Variants in MDGA2 observed in about 807,000 individuals in gnomAD.
The protein encoded by MDGA2 is MAM domain-containing glycosylphosphatidylinositol anchor protein 2.
MDGA2 carries 40 observed loss-of-function variants against 117.8 expected under a neutral mutation model. The ratio of observed to expected loss-of-function variants is 0.34; its 90% CI spans 0.26 to 0.44. The LOEUF is 0.44. Ranked by LOEUF, MDGA2 falls within the 20% of genes least tolerant of loss-of-function variation. The pLI is 1.00. For synonymous variants in MDGA2, 452 were observed against 439.0 expected, an observed-to-expected ratio of 1.03 and a Z score of -0.37; for missense variants, 1,123 against 1,250.6, an observed-to-expected ratio of 0.90 and a Z score of 1.54.
intron 5 of MDGA2, among the ~76,000 whole-genome samples, chr14:47,118,045 G>A (rs1274196651): frequency 6.6e-6 from 1 of 152,160 alleles, no homozygotes; most frequent in African/African-American, 2.4e-5. Flanking sequence ...ATAAAAAAGT[G>A]TTTTACCTGA....
intron 1 of MDGA2, among the ~76,000 whole-genome samples, chr14:47,382,030 G>A (rs1891642342): frequency 6.6e-6 from 1 of 152,082 alleles, no homozygotes; most frequent in Non-Finnish European, 1.5e-5. Context: ...ACAGAACAGA[G>A]CCCTCAAAAA....
At chr14:47,271,124 G>C (rs1888129929) in intron 2 of MDGA2, among the ~76,000 whole-genome samples, 1 of 152,126 alleles carries the variant, frequency 6.6e-6, no homozygotes, top group Non-Finnish European at 1.5e-5. Context: ...ACTTAAAAAT[G>C]GTTCCAGACC....
chr14:47,488,887 T>A (rs1032727478), intron 1 of MDGA2, among the ~76,000 whole-genome samples: 3 of 152,018 alleles, frequency 2.0e-5, no homozygotes, highest in African/African-American at 7.2e-5. Flanking sequence ...AGTTTTCCTC[T>A]TAGATAAGAG....
chr14:47,168,990 T>TA (rs1412736598), intron 3 of MDGA2, among the ~76,000 whole-genome samples: 4 of 152,086 alleles, frequency 2.6e-5, no homozygotes, highest in African/African-American at 4.8e-5. Flanking sequence ...TCATTATTGA[T>TA]AAAATTAAGT....
chr14:47,406,493 A>G (rs1892264233), intron 1 of MDGA2, among the ~76,000 whole-genome samples: 1 of 152,038 alleles, frequency 6.6e-6, no homozygotes, highest in South Asian at 2.1e-4. Context: ...GAGGAGCAGC[A>G]TTTACCAGGG....
chr14:47,320,477 G>A (rs1889947454), intron 1 of MDGA2, among the ~76,000 whole-genome samples: 1 of 152,122 alleles, frequency 6.6e-6, no homozygotes, highest in Non-Finnish European at 1.5e-5. Context: ...CTGTAGGTGA[G>A]TAGGAATGAT....
At chr14:47,340,690 T>C (rs1481302968) in intron 1 of MDGA2, among the ~76,000 whole-genome samples, 2 of 152,188 alleles carry the variant, frequency 1.3e-5, no homozygotes, top group African/African-American at 4.8e-5. Context: ...AGCAAAGAGT[T>C]TGCTGCCATT....
intron 2 of MDGA2, among the ~76,000 whole-genome samples, chr14:47,290,730 G>A (rs1888855550): frequency 6.6e-6 from 1 of 151,378 alleles, no homozygotes; most frequent in Non-Finnish European, 1.5e-5. Flanking sequence ...ATAAAAAGGA[G>A]TTTATTTTGG....
intron 6 of MDGA2, among the ~76,000 whole-genome samples, chr14:47,094,103 T>C (rs1040910953): frequency 1.3e-5 from 2 of 149,990 alleles, no homozygotes; most frequent in Non-Finnish European, 3.0e-5. Context: ...CTCATATTAT[T>C]GTAGTGGTTT....
chr14:47,510,000 G>A (rs72670711), intron 1 of MDGA2, among the ~76,000 whole-genome samples: 17,783 of 152,116 alleles, frequency 0.12, 1,260 homozygotes, highest in Non-Finnish European at 0.14. Flanking sequence ...CATGAATTTT[G>A]GGGGGACAGG....
chr14:47,553,691 T>G lies in MDGA2; in HGVS notation c.280+120826A>C, dbSNP rs190834564. Reference sequence around the variant, plus strand: ...TGTGTGACTGTAATGTATTTATATATGTGTGTATGTGTATATATACTTATA... The same window carrying G: ...TGTGTGACTGTAATGTATTTATATAGGTGTGTATGTGTATATATACTTATA... On this transcript the variant is annotated intron_variant, in intron 1 of 16. Transcript: ENST00000399232. Among the ~76,000 whole-genome samples, 48 of 152,298 alleles carry G rather than the reference T, an allele frequency of 3.2e-4. 1 individual carries two copies. The highest frequency in any genetic ancestry group is 3.4e-3 in the Middle Eastern group (1 of 292).
chr14:47,495,828 C>T (rs1244290146), intron 1 of MDGA2, among the ~76,000 whole-genome samples: 1 of 152,148 alleles, frequency 6.6e-6, no homozygotes, highest in African/African-American at 2.4e-5. Flanking sequence ...CAAAGAAGAA[C>T]AAATTTTCAT....
chr14:47,355,913 T>A (rs528802667), intron 1 of MDGA2, among the ~76,000 whole-genome samples: 6 of 152,308 alleles, frequency 3.9e-5, no homozygotes, highest in African/African-American at 1.2e-4. Flanking sequence ...TCTGAGTGCA[T>A]GTGTCTTTTC....
At chr14:47,521,328 C>T (rs549959882) in intron 1 of MDGA2, among the ~76,000 whole-genome samples, 1 of 152,286 alleles carries the variant, frequency 6.6e-6, no homozygotes, top group Admixed American at 6.5e-5. Flanking sequence ...ACTCATCATT[C>T]ATGCATTAAG....
chr14:47,446,106 C>T (rs557872826), intron 1 of MDGA2, among the ~76,000 whole-genome samples: 14 of 152,078 alleles, frequency 9.2e-5, no homozygotes, highest in Non-Finnish European at 1.3e-4. Flanking sequence ...TTTTTACTCA[C>T]TTCCTTAAAA....
intron 2 of MDGA2, among the ~76,000 whole-genome samples, chr14:47,284,172 C>T (rs55869545): frequency 0.091 from 13,815 of 152,038 alleles, 766 homozygotes; most frequent in Non-Finnish European, 0.11. Flanking sequence ...GCACCCATCC[C>T]AAATAACTTA....
intron 8 of MDGA2, among the ~76,000 whole-genome samples, chr14:46,999,692 C>T (rs1323420793): frequency 2.0e-5 from 3 of 152,056 alleles, no homozygotes; most frequent in Admixed American, 1.3e-4. Flanking sequence ...TATCTTCCCT[C>T]GTCTGACAGC....
chr14:47,169,987 C>T lies in MDGA2; in HGVS notation c.596-25713G>A, dbSNP rs114010808. Among the ~76,000 whole-genome samples the T allele has an allele frequency of 4.2e-3, 637 of 152,134 alleles. 7 individuals are homozygous for T. Among genetic ancestry groups the T allele is most frequent in the African/African-American group, 0.014 (588 of 41,526 alleles). ...ACATTCCAGTCAGGCCAAGACAATA[C>T]GATGAATTACTAAGTAAATACAAAA... On this transcript the variant is annotated intron_variant, in intron 3 of 16. Transcript: ENST00000399232.
chr14:47,339,219 A>G (rs1248687504), intron 1 of MDGA2, among the ~76,000 whole-genome samples: 1 of 152,192 alleles, frequency 6.6e-6, no homozygotes, highest in Non-Finnish European at 1.5e-5. Flanking sequence ...TATTTAGAAA[A>G]TGAAACACTA....
Sources: allele counts gnomAD v4.1 joint callset (sites outside exome capture counted in the v4.1 genomes callset), GRCh38; gene constraint gnomAD v4.1.1; transcripts MANE v1.5; gene names NCBI Gene and HGNC (gene_info 2026-07-23, HGNC 2026-07-21).